Variants in C1QTNF9B observed in about 807,000 individuals in gnomAD.
The protein encoded by C1QTNF9B is complement C1q and tumor necrosis factor-related protein 9B.
A neutral mutation model predicts 10.1 loss-of-function variants in C1QTNF9B; 9 were observed. That is an observed-to-expected ratio of 0.89 (90% CI 0.53 to 1.55). C1QTNF9B has a LOEUF of 1.55. C1QTNF9B is among the 40% of genes most tolerant of loss of function. The pLI, the probability that C1QTNF9B is intolerant of heterozygous loss-of-function variation, is 0.00. For missense variants in C1QTNF9B, 196 were observed against 414.4 expected (o/e 0.47, Z 4.58); for synonymous variants, 79 against 159.9 (o/e 0.49, Z 3.82).
intron 2 of C1QTNF9B, among the ~76,000 whole-genome samples, chr13:23,892,479 ACCT>A (rs1422455712): frequency 1.3e-5 from 2 of 152,132 alleles, no homozygotes; most frequent in Non-Finnish European, 2.9e-5. Flanking sequence ...ACATGGCAAA[ACCT>A]CATCTCTGCA....
At chr13:23,896,888 G>A (rs759458114) in exon 1 of C1QTNF9B, 35 of 1,613,980 alleles carry the variant, frequency 2.2e-5, no homozygotes, top group Admixed American at 3.3e-5. Context: ...TGTGACCGGG[G>A]TTCCCAGGGA....
At chr13:23,895,772 C>G (rs1289575795) in intron 1 of C1QTNF9B, among the ~76,000 whole-genome samples, 2 of 151,978 alleles carry the variant, frequency 1.3e-5, no homozygotes, top group Admixed American at 6.6e-5. Flanking sequence ...CACACACACA[C>G]ACACACACAC....
chr13:23,892,458 C>T (rs1225176952), intron 2 of C1QTNF9B, among the ~76,000 whole-genome samples: 1 of 152,166 alleles, frequency 6.6e-6, no homozygotes, highest in Admixed American at 6.5e-5. Context: ...AATTCAAGAT[C>T]AGGCTAGGCA....
chr13:23,892,910 C>A, intron 2 of C1QTNF9B, among the ~76,000 whole-genome samples: 1 of 152,210 alleles, frequency 6.6e-6, no homozygotes, highest in African/African-American at 2.4e-5. Flanking sequence ...CCTCTAAAAA[C>A]CTCCTCCCTG....
At chr13:23,894,571 C>T (rs1199852562) in intron 1 of C1QTNF9B, 18 of 513,794 alleles carry the variant, frequency 3.5e-5, no homozygotes, top group Admixed American at 2.3e-5. Context: ...GTTGGAGGTG[C>T]GAGGAGGTTT....
chr13:23,891,305 A>G (rs762097452), exon 3 of C1QTNF9B: 4 of 1,535,294 alleles, frequency 2.6e-6, no homozygotes, highest in Non-Finnish European at 3.5e-6. Flanking sequence ...GCTGCTGAAC[A>G]GAAGGAACCC....
At chr13:23,893,541 T>C (rs1872092015) in intron 2 of C1QTNF9B, among the ~76,000 whole-genome samples, 1 of 152,228 alleles carries the variant, frequency 6.6e-6, no homozygotes, top group Non-Finnish European at 1.5e-5. Context: ...GATGAGATCA[T>C]GGCTCATGGC....
chr13:23,894,509 A>G, intron 1 of C1QTNF9B: 2 of 605,274 alleles, frequency 3.3e-6, no homozygotes, highest in Middle Eastern at 2.6e-4. Flanking sequence ...ACTGACTGTC[A>G]CAATTGATTG....
intron 2 of C1QTNF9B, 42 bp downstream of exon 4, chr13:23,894,097 C>A (rs774903141): frequency 2.2e-6 from 3 of 1,376,886 alleles, no homozygotes; most frequent in Admixed American, 1.8e-5. Context: ...GTTAAATAGT[C>A]GACAGCTCAG....
intron 2 of C1QTNF9B, 33 bp from the exon 5 acceptor site, chr13:23,892,094 T>G (rs1239059822): frequency 1.9e-6 from 3 of 1,608,284 alleles, no homozygotes; most frequent in Non-Finnish European, 2.5e-6. Context: ...AAGAGATAGT[T>G]TGTGAAAGAT....
At chr13:23,896,887 G>A (rs1221429407) in exon 1 of C1QTNF9B, 5 of 1,614,070 alleles carry the variant, frequency 3.1e-6, no homozygotes, top group Non-Finnish European at 4.2e-6. Context: ...TTGTGACCGG[G>A]GTTCCCAGGG....
chr13:23,895,212 T>G (rs1218237852), intron 1 of C1QTNF9B, among the ~76,000 whole-genome samples: 4 of 152,082 alleles, frequency 2.6e-5, no homozygotes, highest in African/African-American at 9.6e-5. Context: ...TCCCTCTTTT[T>G]GTTCCCCTGC....
intron 1 of C1QTNF9B, among the ~76,000 whole-genome samples, chr13:23,896,397 C>T (rs1418055960): frequency 6.6e-6 from 1 of 152,264 alleles, no homozygotes; most frequent in Non-Finnish European, 1.5e-5. Context: ...TATTAGCTCT[C>T]ACCTGCACTG....
chr13:23,893,357 T>C (rs1165075600), intron 2 of C1QTNF9B, among the ~76,000 whole-genome samples: 1 of 152,158 alleles, frequency 6.6e-6, no homozygotes, highest in Non-Finnish European at 1.5e-5. Context: ...AAAAACTCAG[T>C]CTCACTCCTC....
At chr13:23,895,298 A>G (rs900570828) in intron 1 of C1QTNF9B, among the ~76,000 whole-genome samples, 3 of 152,068 alleles carry the variant, frequency 2.0e-5, no homozygotes, top group African/African-American at 7.2e-5. Context: ...CTCACAAAGC[A>G]TGAACACAGA....
At chr13:23,892,631 G>C (rs1872052327) in intron 2 of C1QTNF9B, among the ~76,000 whole-genome samples, 1 of 152,108 alleles carries the variant, frequency 6.6e-6, no homozygotes, top group African/African-American at 2.4e-5. Context: ...CTCCAGCCTG[G>C]GCAACAGAGT....
At chr13:23,894,783 T>C (rs2137567911) in intron 1 of C1QTNF9B, 1 of 387,472 alleles carries the variant, frequency 2.6e-6, no homozygotes, top group East Asian at 7.2e-5. Flanking sequence ...AGTGGGGCTC[T>C]GCTGACTACA....
At chr13:23,894,468 A>T in intron 1 of C1QTNF9B, 1 of 634,980 alleles carries the variant, frequency 1.6e-6, no homozygotes, top group Non-Finnish European at 2.9e-6. Flanking sequence ...GCACAGCAAG[A>T]CAGGACGAAG....
exon 3 of C1QTNF9B, chr13:23,891,791 C>T: frequency 2.5e-6 from 4 of 1,614,060 alleles, no homozygotes; most frequent in Non-Finnish European, 3.4e-6. Flanking sequence ...CCCCGTGGGT[C>T]CAGCTTCTCC....
Sources: gnomAD v4.1 joint callset for allele counts (sites outside exome capture counted in the v4.1 genomes callset) on GRCh38, gnomAD v4.1.1 for gene constraint, MANE v1.5 for transcripts, NCBI Gene and HGNC (gene_info 2026-07-23, HGNC 2026-07-21) for gene names.